GMPR: variants seen among roughly 807,000 people sequenced by gnomAD.
GMPR encodes the protein GMP reductase 1.
Under a neutral mutation model 38.4 loss-of-function variants are expected in GMPR, and 31 were observed. That is an observed-to-expected ratio of 0.81 (90% CI 0.61 to 1.09). The LOEUF (loss-of-function observed/expected upper bound fraction) is 1.09. Ranked by LOEUF, GMPR falls within the 50% of genes least tolerant of loss-of-function variation. The pLI, the probability that GMPR is intolerant of heterozygous loss-of-function variation, is 0.00. For missense variants in GMPR, 468 were observed against 453.7 expected (o/e 1.03, Z -0.29); for synonymous variants, 162 against 173.3 (o/e 0.93, Z 0.51).
intron 4 of GMPR, among the ~76,000 whole-genome samples, chr6:16,264,144 G>A (rs1010078924): frequency 6.6e-6 from 1 of 151,954 alleles, no homozygotes; most frequent in Non-Finnish European, 1.5e-5. Context: ...CCAAGGGAAG[G>A]CTGCCTTCCC....
At chr6:16,268,176 C>T (rs997090949) in intron 4 of GMPR, among the ~76,000 whole-genome samples, 4 of 152,150 alleles carry the variant, frequency 2.6e-5, no homozygotes, top group African/African-American at 4.8e-5. Flanking sequence ...CTGAAAGCTA[C>T]AAAGGTGATG....
chr6:16,272,360 T>A (rs1472789025), intron 4 of GMPR, among the ~76,000 whole-genome samples: 2 of 152,260 alleles, frequency 1.3e-5, no homozygotes, highest in Non-Finnish European at 2.9e-5. Flanking sequence ...TTGTCCACAC[T>A]TATGATTATT....
chr6:16,289,847 A>ATTTTTTTTTTTT lies in GMPR; in HGVS notation c.698-615_698-614insTTTTTTTTTTTT, dbSNP rs1438743321. 4.0e-4 allele frequency: 36 copies of ATTTTTTTTTTTT among 90,098 alleles called. 1 individual carries two copies. The highest frequency in any genetic ancestry group is 6.2e-4 in the Non-Finnish European group (30 of 48,158). The allele number at this position is 90,098 out of a possible 1,614,324, so 5.6% of individuals were successfully genotyped here. On this transcript the variant is annotated intron_variant, in intron 7 of 8. Coordinates refer to ENST00000259727, the MANE Select transcript of GMPR (RefSeq NM_006877.4). ...TAACTTGCTTTCTAAGATACTGCCC[A>ATTTTTTTTTTTT]ATTTTTTTTTTTTTTTTTTTTTTTT...
At chr6:16,264,166 C>T (rs368328504) in intron 4 of GMPR, among the ~76,000 whole-genome samples, 4 of 151,892 alleles carry the variant, frequency 2.6e-5, no homozygotes, top group Non-Finnish European at 5.9e-5. Flanking sequence ...AGTCTGTGAC[C>T]GGCGCCGGAG....
At chr6:16,243,075 G>T (rs1017845973) in intron 1 of GMPR, among the ~76,000 whole-genome samples, 3 of 151,996 alleles carry the variant, frequency 2.0e-5, no homozygotes, top group Non-Finnish European at 2.9e-5. Flanking sequence ...TTGGGGGCGG[G>T]GGGGAGACAT....
chr6:16,267,902 A>T (rs1371084520), intron 4 of GMPR, among the ~76,000 whole-genome samples: 1 of 152,210 alleles, frequency 6.6e-6, no homozygotes, highest in East Asian at 1.9e-4. Context: ...CCAGGGCGGG[A>T]CCCTGACATT....
chr6:16,267,829 T>A (rs1348170964), intron 4 of GMPR, among the ~76,000 whole-genome samples: 1 of 152,148 alleles, frequency 6.6e-6, no homozygotes, highest in African/African-American at 2.4e-5. Context: ...CAAGCTCTAC[T>A]CCCCTGGGGC....
Position 16,295,358 on chromosome 6 carries a change from C to G in GMPR, c.*172C>G, listed in dbSNP as rs6723. ...GCTTCGGGGCTCTCCCGCCTGCCTT[C>G]TCGGGGCCCAGACGCAAGGCACCGA... On this transcript the variant is annotated 3_prime_UTR_variant, in exon 9 of 9. Coordinates refer to ENST00000259727, the MANE Select transcript of GMPR (RefSeq NM_006877.4). 0.42 allele frequency: 203,768 copies of G among 482,004 alleles called. 52,265 individuals are homozygous for G. The highest frequency in any genetic ancestry group is 0.88 in the East Asian group (24,809 of 28,242). The allele number at this position is 482,004 out of a possible 1,614,324, so 29.9% of individuals were successfully genotyped here. A position where few individuals can be genotyped will look rare whatever the true frequency, so the allele number is the denominator to read the frequency against.
intron 1 of GMPR, among the ~76,000 whole-genome samples, chr6:16,243,722 ATCCCTCCT>A (rs1029360357): frequency 1.7e-4 from 26 of 152,154 alleles, no homozygotes; most frequent in Non-Finnish European, 8.8e-5. Context: ...CCCAAATTGC[ATCCCTCCT>A]CACTGGGCAG....
chr6:16,271,275 C>T (rs755942601), intron 4 of GMPR, among the ~76,000 whole-genome samples: 3 of 152,074 alleles, frequency 2.0e-5, no homozygotes, highest in Admixed American at 6.5e-5. Context: ...TGCTTGAGCT[C>T]AGGAGCTTGA....
At chr6:16,266,246 G>T (rs554580113) in intron 4 of GMPR, among the ~76,000 whole-genome samples, 2 of 151,972 alleles carry the variant, frequency 1.3e-5, no homozygotes, top group Non-Finnish European at 2.9e-5. Context: ...CCACCTTTAA[G>T]AGCTGTAACA....
chr6:16,259,735 G>C (rs1256176036), intron 4 of GMPR, among the ~76,000 whole-genome samples: 3 of 152,072 alleles, frequency 2.0e-5, no homozygotes, highest in Non-Finnish European at 4.4e-5. Context: ...GAGAAAAACA[G>C]GTATTAAAGG....
chr6:16,271,884 C>G (rs1160903959), intron 4 of GMPR, among the ~76,000 whole-genome samples: 1 of 152,096 alleles, frequency 6.6e-6, no homozygotes, highest in Non-Finnish European at 1.5e-5. Flanking sequence ...CAACATTATA[C>G]TGAAAGCATT....
chr6:16,285,326 G>A (rs1039453824), intron 6 of GMPR, among the ~76,000 whole-genome samples: 2 of 152,240 alleles, frequency 1.3e-5, no homozygotes, highest in African/African-American at 4.8e-5. Flanking sequence ...CCTTTTCTTG[G>A]CTCTTACAAG....
chr6:16,249,030 A>C (rs1581647108), intron 2 of GMPR, among the ~76,000 whole-genome samples: 1 of 152,200 alleles, frequency 6.6e-6, no homozygotes, highest in Non-Finnish European at 1.5e-5. Context: ...GAAGTTGTAG[A>C]TGGGGACATA....
chr6:16,244,988 G>C (rs979433841), intron 1 of GMPR, among the ~76,000 whole-genome samples: 11 of 152,134 alleles, frequency 7.2e-5, no homozygotes, highest in Admixed American at 5.2e-4. Flanking sequence ...TCTCAGCCGG[G>C]TGCAGAGTGT....
intron 4 of GMPR, chr6:16,262,265 C>T (rs934642312): frequency 4.6e-5 from 7 of 151,758 alleles, no homozygotes; most frequent in Non-Finnish European, 7.3e-5. Context: ...AGTCTTCAGC[C>T]GCTAAGCCAA....
At chr6:16,281,314 T>C (rs1183105405) in intron 6 of GMPR, among the ~76,000 whole-genome samples, 1 of 152,140 alleles carries the variant, frequency 6.6e-6, no homozygotes, top group East Asian at 1.9e-4. Flanking sequence ...CAGCATACGC[T>C]GGCGGGGTGA....
chr6:16,266,230 C>G (rs1427670296), intron 4 of GMPR, among the ~76,000 whole-genome samples: 1 of 151,256 alleles, frequency 6.6e-6, no homozygotes, highest in Non-Finnish European at 1.5e-5. Context: ...AAGAACGCCG[C>G]GCGCACCACC....
Sources: gnomAD v4.1 joint callset for allele counts (sites outside exome capture counted in the v4.1 genomes callset) on GRCh38, gnomAD v4.1.1 for gene constraint, MANE v1.5 for transcripts, NCBI Gene and HGNC (gene_info 2026-07-23, HGNC 2026-07-21) for gene names.